Variants in FZD3 observed in about 807,000 individuals in gnomAD.
The protein encoded by FZD3 is frizzled class receptor 3.
FZD3 carries 30 observed loss-of-function variants against 60.7 expected under a neutral mutation model. The observed-to-expected ratio is 0.49, with a 90% CI of 0.37 to 0.67. The LOEUF is 0.67. FZD3 is among the 30% of genes least tolerant of loss of function. The pLI is 0.00. For missense variants in FZD3, 605 were observed against 838.7 expected (o/e 0.72, Z 3.44); for synonymous variants, 246 against 275.2 (o/e 0.89, Z 1.05).
chr8:28,522,353 G>A lies in FZD3; in HGVS notation c.386+1519G>A, dbSNP rs112521456. Among the ~76,000 whole-genome samples the A allele has an allele frequency of 9.2e-3, 1,392 of 151,334 alleles. 25 individuals are homozygous for A. Among genetic ancestry groups the A allele is most frequent in the African/African-American group, 0.031 (1,302 of 41,394 alleles). ...TCACAGTTTACAAGAACCTATCTAC[G>A]ATTTTAAATGAGGACTACTGTATTT... is the stretch of plus-strand genomic sequence containing the variant. On this transcript the variant is annotated intron_variant, in intron 4 of 7. Transcript: ENST00000240093.
chr8:28,552,384 A>C (rs1387394597), intron 6 of FZD3, among the ~76,000 whole-genome samples: 1 of 152,230 alleles, frequency 6.6e-6, no homozygotes, highest in Admixed American at 6.5e-5. Flanking sequence ...TTACAGTGTG[A>C]TATAAGGGCA....
intron 5 of FZD3, among the ~76,000 whole-genome samples, chr8:28,543,243 AC>A (rs1362893004): frequency 6.6e-6 from 1 of 152,164 alleles, no homozygotes; most frequent in Non-Finnish European, 1.5e-5. Flanking sequence ...CGTATTACTT[AC>A]GTAAGTCACC....
At chr8:28,542,951 A>G (rs1472153349) in intron 5 of FZD3, among the ~76,000 whole-genome samples, 1 of 152,226 alleles carries the variant, frequency 6.6e-6, no homozygotes, top group African/African-American at 2.4e-5. Context: ...GTTTGATTGC[A>G]TCTGTAAACA....
At chr8:28,532,947 G>A (rs1369548143) in intron 5 of FZD3, among the ~76,000 whole-genome samples, 1 of 152,138 alleles carries the variant, frequency 6.6e-6, no homozygotes, top group Non-Finnish European at 1.5e-5. Flanking sequence ...GAAGTAAAAG[G>A]AAAGAAGTTG....
chr8:28,535,041 CACATT>C (rs1804973831), intron 5 of FZD3, among the ~76,000 whole-genome samples: 1 of 152,194 alleles, frequency 6.6e-6, no homozygotes. Context: ...AGTTATCTCT[CACATT>C]ACAGAAACTT....
intron 5 of FZD3, among the ~76,000 whole-genome samples, chr8:28,542,263 A>G (rs371716824): frequency 1.3e-5 from 2 of 151,988 alleles, no homozygotes; most frequent in Non-Finnish European, 2.9e-5. Flanking sequence ...TGTCAGGATT[A>G]TTGTTATTGC....
In FZD3 at chr8:28,528,168, A is replaced by G; in HGVS notation, c.1404+4A>G. On this transcript the variant is annotated splice_donor_region_variant and intron_variant, in intron 5 of 7. Transcript: ENST00000240093. ...TCACATTCCATGTCCATATCAGGTA[A>G]GGGAAACCTTGTTACAAATTTCAGA... 1 of 1,590,202 alleles carries G rather than the reference A, an allele frequency of 6.3e-7. No homozygotes were observed. The highest frequency in any genetic ancestry group is 8.6e-7 in the Non-Finnish European group (1 of 1,169,066).
In FZD3 at chr8:28,568,835, T is replaced by A. The variant is rs1210508250; in HGVS notation, c.*5824T>A. The A allele has an allele frequency of 2.0e-5, 3 of 152,158 alleles. No individual in the cohort carries two copies. The highest frequency in any genetic ancestry group is 1.3e-4 in the Admixed American group (2 of 15,278). 9.4% of individuals were successfully genotyped at this position (152,158 alleles called of 1,614,324 possible). A position where few individuals can be genotyped will look rare whatever the true frequency, so the allele number is the denominator to read the frequency against. ...CTTCAGATTACTTTTTAAATCATCA[T>A]CTGCCTCAGGAAATTCTTTCTTGAA... On this transcript the variant is annotated 3_prime_UTR_variant, in exon 8 of 8. Transcript: ENST00000240093.
chr8:28,518,240 A>G (rs1397729784), intron 3 of FZD3, among the ~76,000 whole-genome samples: 3 of 148,156 alleles, frequency 2.0e-5, no homozygotes, highest in Non-Finnish European at 4.5e-5. Context: ...TTTTTTTTTA[A>G]GTAGAGATAG....
rs961907693 is a variant in FZD3, at chr8:28,502,873, C to T, written c.-141C>T. On this transcript the variant is annotated 5_prime_UTR_variant, in exon 3 of 8. Transcript: ENST00000240093. ...CCAAGCTAACAAACCTCTGACGGTG[C>T]GAAGAGTATTTAACTGTTTGAAGAA... 5 of 504,538 alleles carry T rather than the reference C, an allele frequency of 9.9e-6. No individual in the cohort carries two copies. In the South Asian group the frequency reaches 1.4e-4, roughly 14 times the overall value. 31.3% of individuals were successfully genotyped at this position (504,538 alleles called of 1,614,324 possible).
intron 5 of FZD3, among the ~76,000 whole-genome samples, chr8:28,533,976 T>C (rs1382975655): frequency 6.6e-6 from 1 of 152,194 alleles, no homozygotes; most frequent in Non-Finnish European, 1.5e-5. Flanking sequence ...ACTATAAACA[T>C]GAACTCTTAT....
chr8:28,535,469 A>G lies in FZD3; in HGVS notation c.1404+7305A>G, dbSNP rs573597479. Among the ~76,000 whole-genome samples, 8 of 152,294 alleles carry G rather than the reference A, an allele frequency of 5.3e-5. No individual in the cohort carries two copies. The South Asian group carries it at 1.7e-3, about 32-fold the overall frequency. On this transcript the variant is annotated intron_variant, in intron 5 of 7. Coordinates refer to ENST00000240093, the MANE Select transcript of FZD3 (RefSeq NM_017412.4). ...TATCTAATGTCCTATTTCTGTTCTA[A>G]GATCCCATCCAGGAGATGACATGTA...
chr8:28,546,045 G>A (rs1381361102), intron 5 of FZD3, among the ~76,000 whole-genome samples: 1 of 152,160 alleles, frequency 6.6e-6, no homozygotes, highest in Non-Finnish European at 1.5e-5. Context: ...TTGTAGCCTA[G>A]GAGCAATAGG....
intron 5 of FZD3, among the ~76,000 whole-genome samples, chr8:28,530,087 ATCTG>A (rs1404472390): frequency 2.4e-5 from 3 of 127,104 alleles, no homozygotes; most frequent in Non-Finnish European, 5.1e-5. Context: ...ACTGAAATAT[ATCTG>A]TGTGTGTGTG....
intron 1 of FZD3, among the ~76,000 whole-genome samples, chr8:28,497,059 TC>T (rs1206798146): frequency 1.4e-4 from 21 of 152,220 alleles, no homozygotes; most frequent in Admixed American, 1.4e-3. Flanking sequence ...TCTTCTGTCT[TC>T]TTTAGTCTTA....
chr8:28,522,307 T>C (rs1195710088), intron 4 of FZD3, among the ~76,000 whole-genome samples: 1 of 152,210 alleles, frequency 6.6e-6, no homozygotes, highest in Non-Finnish European at 1.5e-5. Context: ...AAGGACCTGC[T>C]GTATGGTTTC....
chr8:28,495,827 T>G (rs564177412), intron 1 of FZD3, among the ~76,000 whole-genome samples: 17 of 152,252 alleles, frequency 1.1e-4, no homozygotes, highest in African/African-American at 3.1e-4. Context: ...ATAACTAAGA[T>G]GCAGCCTTTC....
intron 6 of FZD3, among the ~76,000 whole-genome samples, chr8:28,554,921 AAGTC>A (rs1383664536): frequency 1.3e-5 from 2 of 152,140 alleles, no homozygotes; most frequent in Non-Finnish European, 2.9e-5. Flanking sequence ...TTTTCATAGT[AAGTC>A]CTTTATTTAC....
At position 28,565,465 on chromosome 8, in the gene FZD3, A is replaced by G. The variant is rs1439098254; in HGVS notation, c.*2454A>G. The G allele has an allele frequency of 6.6e-6, 1 of 152,220 alleles. No homozygotes were observed. The highest frequency in any genetic ancestry group is 1.5e-5 in the Non-Finnish European group (1 of 68,010). 9.4% of individuals were successfully genotyped at this position (152,220 alleles called of 1,614,324 possible). A position where few individuals can be genotyped will look rare whatever the true frequency, so the allele number is the denominator to read the frequency against. On this transcript the variant is annotated 3_prime_UTR_variant, in exon 8 of 8. Coordinates refer to ENST00000240093, the MANE Select transcript of FZD3 (RefSeq NM_017412.4). ...TTCACAAACAAAAATAAGTTAAAAT[A>G]GAAGGTACCAGTTTGGGCTCGAAGA...
Sources: allele counts gnomAD v4.1 joint callset (sites outside exome capture counted in the v4.1 genomes callset), GRCh38; gene constraint gnomAD v4.1.1; transcripts MANE v1.5; gene names NCBI Gene and HGNC (gene_info 2026-07-23, HGNC 2026-07-21).